Variants in ADAM23 observed in about 807,000 individuals in gnomAD.
The protein encoded by ADAM23 is ADAM metallopeptidase domain 23.
Under a neutral mutation model 120.1 loss-of-function variants are expected in ADAM23, and 33 were observed. The ratio of observed to expected loss-of-function variants is 0.27; its 90% CI spans 0.21 to 0.37. The LOEUF is 0.37. Among genes scored for constraint, ADAM23 ranks in the 10% least tolerant of loss-of-function variants. The probability of loss-of-function intolerance (pLI) is 1.00; values close to 1 mark genes in which losing one functional copy is unlikely to be tolerated. For synonymous variants in ADAM23, 367 were observed against 375.2 expected (o/e 0.98, Z 0.25); for missense variants, 862 against 1,058.2 (o/e 0.81, Z 2.57).
At position 206,443,882 on chromosome 2, in the gene ADAM23, A is replaced by G; in HGVS notation, c.16A>G (p.Ser6Gly). 1 of 1,156,202 alleles carries G rather than the reference A, an allele frequency of 8.6e-7. No homozygotes were observed. Among genetic ancestry groups the G allele is most frequent in the Non-Finnish European group, 1.1e-6 (1 of 942,114 alleles). 71.6% of individuals were successfully genotyped at this position (1,156,202 alleles called of 1,614,324 possible). The part of the protein sequence containing the change: MKPPG[S>G]SSRQPPLAGC... ...GCTATGAGCCATGAAGCCGCCCGGC[A>G]GCAGCTCGCGGCAGCCGCCCCTGGC... Residue 6 changes from serine (S) to glycine (G), a missense_variant, in exon 1 of 26, where the codon AGC (serine) becomes GGC (glycine). Around this residue, in one of 4 missense-constraint regions of ADAM23, gnomAD observed 225 missense variants for 204.0 expected, o/e 1.10. Coordinates refer to ENST00000264377, the MANE Select transcript of ADAM23 (RefSeq NM_003812.4).
chr2:206,488,083 C>T (rs546949439), intron 3 of ADAM23, among the ~76,000 whole-genome samples: 4 of 152,222 alleles, frequency 2.6e-5, no homozygotes, highest in Non-Finnish European at 4.4e-5. Context: ...AAGCAGTTCA[C>T]GCTGTGTTTT....
At chr2:206,483,524 G>A (rs1464543312) in intron 3 of ADAM23, among the ~76,000 whole-genome samples, 1 of 152,100 alleles carries the variant, frequency 6.6e-6, no homozygotes, top group African/African-American at 2.4e-5. Context: ...AGAGTAAGGA[G>A]ACAGAAGCTG....
chr2:206,584,459 C>A (rs1426068859), intron 18 of ADAM23, among the ~76,000 whole-genome samples: 1 of 152,164 alleles, frequency 6.6e-6, no homozygotes, highest in Non-Finnish European at 1.5e-5. Flanking sequence ...ATAATCAGCT[C>A]TTCAGTTTGT....
At chr2:206,486,791 T>G (rs1696022168) in intron 3 of ADAM23, among the ~76,000 whole-genome samples, 1 of 152,184 alleles carries the variant, frequency 6.6e-6, no homozygotes, top group African/African-American at 2.4e-5. Flanking sequence ...TGTTTTAAAA[T>G]TACATTCACA....
At chr2:206,602,471 G>A (rs1226089873) in intron 24 of ADAM23, among the ~76,000 whole-genome samples, 1 of 152,038 alleles carries the variant, frequency 6.6e-6, no homozygotes, top group Non-Finnish European at 1.5e-5. Flanking sequence ...AGTTTATTTA[G>A]TATTTACTTT....
intron 4 of ADAM23, among the ~76,000 whole-genome samples, chr2:206,533,676 G>T (rs1435357327): frequency 6.6e-6 from 1 of 152,174 alleles, no homozygotes; most frequent in East Asian, 1.9e-4. Flanking sequence ...TGCAAAGAGG[G>T]TTGTCTAGGT....
intron 3 of ADAM23, among the ~76,000 whole-genome samples, chr2:206,485,627 G>T (rs1002351751): frequency 2.6e-5 from 4 of 152,220 alleles, no homozygotes; most frequent in Non-Finnish European, 5.9e-5. Flanking sequence ...GCAGTGCTGT[G>T]TGTTTTATTC....
intron 2 of ADAM23, among the ~76,000 whole-genome samples, chr2:206,447,546 CT>C (rs1043867587): frequency 3.2e-4 from 48 of 152,248 alleles, no homozygotes; most frequent in African/African-American, 1.1e-3. Context: ...GTTCTGTGAC[CT>C]CCCTTTTACT....
At chr2:206,479,318 C>T (rs1046337566) in intron 2 of ADAM23, among the ~76,000 whole-genome samples, 29 of 152,066 alleles carry the variant, frequency 1.9e-4, no homozygotes, top group Non-Finnish European at 8.8e-5. Flanking sequence ...TAAAATAAGC[C>T]TTTTACTGAG....
intron 3 of ADAM23, among the ~76,000 whole-genome samples, chr2:206,525,092 T>C (rs1261547161): frequency 2.0e-5 from 3 of 152,164 alleles, no homozygotes. Context: ...GCACAATTAT[T>C]AATATGCCTC....
At chr2:206,544,759 C>G (rs1184219658) in intron 6 of ADAM23, among the ~76,000 whole-genome samples, 1 of 151,922 alleles carries the variant, frequency 6.6e-6, no homozygotes, top group Non-Finnish European at 1.5e-5. Context: ...ACTACAGGTG[C>G]CCGCCACCGC....
intron 3 of ADAM23, among the ~76,000 whole-genome samples, chr2:206,514,847 C>A (rs1696696970): frequency 6.6e-6 from 1 of 152,228 alleles, no homozygotes; most frequent in East Asian, 1.9e-4. Context: ...AAAATGATTA[C>A]AACTTGCTGA....
chr2:206,612,750 T>A (rs1698849858), intron 25 of ADAM23, among the ~76,000 whole-genome samples: 1 of 152,220 alleles, frequency 6.6e-6, no homozygotes, highest in South Asian at 2.1e-4. Context: ...CCTTAAACTA[T>A]TATTTCCTCT....
chr2:206,551,476 A>G (rs1223451335), intron 9 of ADAM23, among the ~76,000 whole-genome samples: 1 of 152,244 alleles, frequency 6.6e-6, no homozygotes, highest in Non-Finnish European at 1.5e-5. Flanking sequence ...GACTTTATAT[A>G]GATGAGAATC....
In ADAM23 at chr2:206,543,220, A is replaced by G. The variant is rs748610387; in HGVS notation, c.657-33A>G. ...TTCTTGCCATTTCCTGTGTTTGTTT[A>G]TTCCCTCCTTTGTGTGGTTTCTTTT... On this transcript the variant is annotated intron_variant, in intron 5 of 25. Coordinates refer to ENST00000264377, the MANE Select transcript of ADAM23 (RefSeq NM_003812.4). 3.7e-6 allele frequency: 6 copies of G among 1,601,014 alleles called. No individual in the cohort carries two copies. The African/African-American group carries it at 8.0e-5, about 21-fold the overall frequency.
intron 2 of ADAM23, among the ~76,000 whole-genome samples, chr2:206,451,414 G>A (rs528363169): frequency 1.2e-4 from 19 of 152,200 alleles, no homozygotes; most frequent in African/African-American, 3.9e-4. Flanking sequence ...TAATTTTTGC[G>A]TTTCCAGTAG....
intron 24 of ADAM23, among the ~76,000 whole-genome samples, chr2:206,605,236 A>T (rs1051785339): frequency 1.1e-4 from 16 of 152,362 alleles, no homozygotes; most frequent in African/African-American, 3.6e-4. Context: ...AAATACTATG[A>T]CAGAAATCCA....
intron 24 of ADAM23, among the ~76,000 whole-genome samples, chr2:206,607,780 T>C (rs753167696): frequency 6.6e-5 from 10 of 152,186 alleles, no homozygotes; most frequent in Non-Finnish European, 1.2e-4. Context: ...TCAAGAAATA[T>C]AGTTTTTTAA....
intron 23 of ADAM23, among the ~76,000 whole-genome samples, chr2:206,595,615 T>C (rs966833805): frequency 2.0e-5 from 3 of 152,174 alleles, no homozygotes; most frequent in African/African-American, 7.2e-5. Context: ...CCAGCAGTGC[T>C]TTTGAGCCCA....
Sources: allele counts gnomAD v4.1 joint callset (sites outside exome capture counted in the v4.1 genomes callset), GRCh38; gene constraint gnomAD v4.1.1; regional missense constraint gnomAD v4.1.1; transcripts MANE v1.5; gene names NCBI Gene and HGNC (gene_info 2026-07-23, HGNC 2026-07-21).